The following MEIS1 variants were observed in gnomAD, a reference collection of about 807,000 sequenced individuals.
MEIS1 encodes the protein Meis homeobox 1.
In MEIS1, 5 loss-of-function variants were observed where a neutral mutation model predicts 50.8. The ratio of observed to expected loss-of-function variants is 0.10; its 90% CI spans 0.05 to 0.21. The LOEUF is 0.21. MEIS1 is among the 10% of genes least tolerant of loss of function. MEIS1 has a pLI of 1.00. For synonymous variants in MEIS1, 176 were observed against 179.3 expected, an observed-to-expected ratio of 0.98 and a Z score of 0.15; for missense variants, 318 against 517.3, an observed-to-expected ratio of 0.61 and a Z score of 3.74.
chr2:66,494,271 T>A (rs1415142333), intron 7 of MEIS1, among the ~76,000 whole-genome samples: 1 of 152,218 alleles, frequency 6.6e-6, no homozygotes, highest in Non-Finnish European at 1.5e-5. Flanking sequence ...GACCAAATTC[T>A]TTGTTAAAGT....
chr2:66,494,914 G>C (rs932647013), intron 7 of MEIS1, among the ~76,000 whole-genome samples: 3 of 152,016 alleles, frequency 2.0e-5, no homozygotes, highest in African/African-American at 7.3e-5. Context: ...GGAAGTAGGG[G>C]AACTTGGAAA....
intron 7 of MEIS1, among the ~76,000 whole-genome samples, chr2:66,503,213 T>C (rs549867801): frequency 6.6e-6 from 1 of 152,302 alleles, no homozygotes; most frequent in East Asian, 1.9e-4. Context: ...CATGACCCCA[T>C]AGATACTTAT....
At chr2:66,459,789 G>A (rs1474332422) in intron 6 of MEIS1, among the ~76,000 whole-genome samples, 4 of 152,182 alleles carry the variant, frequency 2.6e-5, no homozygotes, top group Admixed American at 2.6e-4. Flanking sequence ...AAAGGAATGA[G>A]TAGGAAGTTT....
chr2:66,438,783 CTATT>C (rs1273263652), intron 2 of MEIS1, among the ~76,000 whole-genome samples: 2 of 152,190 alleles, frequency 1.3e-5, no homozygotes, highest in South Asian at 2.1e-4. Context: ...ACTTTTATTT[CTATT>C]TATTTATTTT....
At chr2:66,510,466 A>G (rs536611542) in intron 7 of MEIS1, among the ~76,000 whole-genome samples, 35 of 152,198 alleles carry the variant, frequency 2.3e-4, no homozygotes, top group Non-Finnish European at 3.8e-4. Context: ...GATCTTTTCC[A>G]AGTGAACACA....
intron 7 of MEIS1, chr2:66,495,982 G>A (rs1188124091): frequency 1.3e-5 from 2 of 152,366 alleles, no homozygotes; most frequent in Admixed American, 1.3e-4. Context: ...ATTGGTATTC[G>A]GAGATCTGTT....
At chr2:66,455,628 G>A (rs983076478) in intron 6 of MEIS1, among the ~76,000 whole-genome samples, 5 of 152,180 alleles carry the variant, frequency 3.3e-5, no homozygotes, top group Non-Finnish European at 7.3e-5. Context: ...GTTTTAAGCA[G>A]CATTGGGAAA....
chr2:66,463,109 T>A (rs1265431615), intron 6 of MEIS1, among the ~76,000 whole-genome samples: 1 of 152,018 alleles, frequency 6.6e-6, no homozygotes, highest in Non-Finnish European at 1.5e-5. Context: ...CTAGGCATAC[T>A]TAATGATATT....
intron 9 of MEIS1, among the ~76,000 whole-genome samples, chr2:66,566,615 A>G (rs1246723376): frequency 6.6e-6 from 1 of 151,986 alleles, no homozygotes; most frequent in African/African-American, 2.4e-5. Context: ...ACTTTTTTAC[A>G]TGTCAGTGAC....
At position 66,441,768 on chromosome 2, in the gene MEIS1, T is replaced by G. The variant is rs569448174; in HGVS notation, c.483+304T>G. 16 of 349,358 alleles carry G rather than the reference T, an allele frequency of 4.6e-5. 1 individual carries two copies. In the South Asian group the frequency reaches 5.7e-4, roughly 12 times the overall value. 21.6% of individuals were successfully genotyped at this position (349,358 alleles called of 1,614,324 possible). ...GATGTTTCGAATGCTGCTCTGAGGTTGTTTCACAAGTTCATACCTCTGTTG... is the reference window on the plus strand; with the variant it reads ...GATGTTTCGAATGCTGCTCTGAGGTGGTTTCACAAGTTCATACCTCTGTTG... On this transcript the variant is annotated intron_variant, in intron 5 of 12. Transcript: ENST00000272369.
intron 7 of MEIS1, among the ~76,000 whole-genome samples, chr2:66,468,189 G>A (rs6727352): frequency 0.31 from 46,944 of 151,912 alleles, 10,501 homozygotes; most frequent in African/African-American, 0.63. Context: ...TGTGGCTTTC[G>A]TGTGTCTTTT....
At chr2:66,456,647 A>T (rs1672396682) in intron 6 of MEIS1, among the ~76,000 whole-genome samples, 1 of 152,212 alleles carries the variant, frequency 6.6e-6, no homozygotes. Flanking sequence ...AAAGGGTTCA[A>T]CAAGAACCCT....
chr2:66,453,252 C>T lies in MEIS1; in HGVS notation c.630+10204C>T, dbSNP rs142774749. The stretch of plus-strand genomic sequence containing the variant: ...ATCAATTATGTGGCTTTTCTTTGCT[C>T]GTGGTATACTTTCAATAATCCAAAT... On this transcript the variant is annotated intron_variant, in intron 6 of 12. Coordinates refer to ENST00000272369, the MANE Select transcript of MEIS1 (RefSeq NM_002398.3). Among the ~76,000 whole-genome samples the T allele has an allele frequency of 3.0e-3, 457 of 151,962 alleles. 3 individuals are homozygous for T. The highest frequency in any genetic ancestry group is 0.011 in the African/African-American group (452 of 41,520).
At chr2:66,564,348 G>C (rs13003701) in intron 9 of MEIS1, among the ~76,000 whole-genome samples, 36,592 of 152,078 alleles carry the variant, frequency 0.24, 4,906 homozygotes, top group Non-Finnish European at 0.29. Context: ...CCTGTGGGCA[G>C]TTGGCTAAGA....
intron 6 of MEIS1, among the ~76,000 whole-genome samples, chr2:66,461,546 TGCATTCAGTA>T (rs1672517797): frequency 6.6e-6 from 1 of 152,202 alleles, no homozygotes; most frequent in Admixed American, 6.5e-5. Context: ...TTCAGAGAAG[TGCATTCAGTA>T]TTCATAGGCC....
At chr2:66,439,194 C>T (rs1671883616) in intron 2 of MEIS1, 1 of 814,404 alleles carries the variant, frequency 1.2e-6, no homozygotes. Flanking sequence ...ACTGCAGGAA[C>T]ATTTGAAGGA....
intron 5 of MEIS1, 163 bp downstream of exon 5, chr2:66,441,627 C>A: frequency 5.1e-6 from 3 of 594,032 alleles, no homozygotes; most frequent in South Asian, 2.4e-5. Context: ...TTTCTCTTCG[C>A]AGTTTAATTA....
At chr2:66,517,073 C>T (rs1210297700) in intron 8 of MEIS1, among the ~76,000 whole-genome samples, 2 of 152,114 alleles carry the variant, frequency 1.3e-5, no homozygotes, top group African/African-American at 4.8e-5. Flanking sequence ...TTATTGCCCA[C>T]CTCTGTACTC....
chr2:66,513,407 A>C (rs1446729070), intron 8 of MEIS1, among the ~76,000 whole-genome samples: 2 of 152,084 alleles, frequency 1.3e-5, no homozygotes, highest in African/African-American at 2.4e-5. Flanking sequence ...ACCTGGGCCC[A>C]CATTCAAAGC....
Sources: allele counts gnomAD v4.1 joint callset (sites outside exome capture counted in the v4.1 genomes callset), GRCh38; gene constraint gnomAD v4.1.1; transcripts MANE v1.5; gene names NCBI Gene and HGNC (gene_info 2026-07-23, HGNC 2026-07-21).